EFR3B: variants seen among roughly 807,000 people sequenced by gnomAD.
The protein encoded by EFR3B is EFR3 homolog B, also known as protein EFR3 homolog B.
A neutral mutation model predicts 104.7 loss-of-function variants in EFR3B; 64 were observed. The observed-to-expected ratio is 0.61, with a 90% CI of 0.50 to 0.75. EFR3B has a LOEUF of 0.75. EFR3B is among the 30% of genes least tolerant of loss of function. The probability of loss-of-function intolerance (pLI) is 0.00; values close to 1 mark genes in which losing one functional copy is unlikely to be tolerated. For missense variants in EFR3B, 750 were observed against 1,078.5 expected (o/e 0.70, Z 4.27); for synonymous variants, 385 against 417.9 (o/e 0.92, Z 0.96).
At position 25,130,432 on chromosome 2, in the gene EFR3B, C is replaced by A. The variant is rs748904370; in HGVS notation, c.771-120C>A. 40 of 956,136 alleles carry A rather than the reference C, an allele frequency of 4.2e-5. No homozygotes were observed. The highest frequency in any genetic ancestry group is 3.5e-4 in the South Asian group (24 of 68,782). 59.2% of individuals were successfully genotyped at this position (956,136 alleles called of 1,614,324 possible). On this transcript the variant is annotated intron_variant, in intron 7 of 22. Coordinates refer to ENST00000403714, the MANE Select transcript of EFR3B (RefSeq NM_014971.2). The surrounding 1 kb of genome is among the most constrained non-coding windows in gnomAD (Gnocchi z 4.6). ...CCCCAAGGCCCTTCAGGCTTCACTT[C>A]CTCACCCGGGAACTGTGCGAGGGGC... is the stretch of plus-strand genomic sequence containing the variant.
chr2:25,137,223 G>A lies in EFR3B; in HGVS notation c.1561-118G>A, dbSNP rs79811742. 0.02 allele frequency: 23,594 copies of A among 1,185,354 alleles called. 2,047 individuals carry two copies. In the East Asian group the frequency reaches 0.28, roughly 14 times the overall value. 73.4% of individuals were successfully genotyped at this position (1,185,354 alleles called of 1,614,324 possible). A position where few individuals can be genotyped will look rare whatever the true frequency, so the allele number is the denominator to read the frequency against. ...CGCTTTAAAGGCATCCCCTCCCCAA[G>A]GGAGGAGGGGGCACACAGCCATCCT... On this transcript the variant is annotated intron_variant, in intron 14 of 22. Transcript: ENST00000403714. The surrounding 1 kb of genome is among the most constrained non-coding windows in gnomAD (Gnocchi z 4.7).
intron 1 of EFR3B, among the ~76,000 whole-genome samples, chr2:25,083,648 C>G (rs74446458): frequency 3.3e-5 from 5 of 152,250 alleles, no homozygotes; most frequent in Admixed American, 6.5e-5. Context: ...GCTCTCAACT[C>G]GGAGAGGAGA....
chr2:25,054,187 T>C (rs960756458), intron 1 of EFR3B, among the ~76,000 whole-genome samples: 5 of 152,140 alleles, frequency 3.3e-5, no homozygotes, highest in African/African-American at 1.2e-4. Context: ...TTCCTCCCCC[T>C]GGAGAAGTGG....
At chr2:25,110,908 C>T (rs562375905) in intron 4 of EFR3B, among the ~76,000 whole-genome samples, 9 of 152,188 alleles carry the variant, frequency 5.9e-5, no homozygotes, top group Admixed American at 2.0e-4. Flanking sequence ...TTAGCAGCTT[C>T]GCAACCTCTC....
chr2:25,139,090 C>G lies in EFR3B; in HGVS notation c.1754C>G (p.Pro585Arg). The change falls in exon 16 of 23, where the codon CCT becomes CGT. Residue 585 changes from proline (P) to arginine (R), a missense_variant. Pro to Arg is a moderately radical substitution (Grantham distance 103). Coordinates refer to ENST00000403714, the MANE Select transcript of EFR3B (RefSeq NM_014971.2). ...DVAQVNEENLPVYNRCALYAL... is the reference protein window; with the variant it reads ...DVAQVNEENLRVYNRCALYAL... ...GCCCAAGTCAATGAGGAGAACTTGC[C>G]TGTCTACAACCGCTGTGCCCTCTAT... is the stretch of plus-strand genomic sequence containing the variant. 6.4e-6 allele frequency: 10 copies of G among 1,551,748 alleles called. No individual in the cohort carries two copies. Among genetic ancestry groups the G allele is most frequent in the Non-Finnish European group, 7.8e-6 (9 of 1,147,012 alleles).
At position 25,154,429 on chromosome 2, in the gene EFR3B, A is replaced by G; in HGVS notation, c.*89A>G. On this transcript the variant is annotated 3_prime_UTR_variant, in exon 23 of 23. Transcript: ENST00000403714. The surrounding 1 kb of genome is among the most constrained non-coding windows in gnomAD (Gnocchi z 4.1). ...CCGACCACATGGAGATCTGGCTGTG[A>G]TCTCTGAGAAAACATCACCTTAGAT... 1 of 1,219,068 alleles carries G rather than the reference A, an allele frequency of 8.2e-7. No individual in the cohort carries two copies. Among genetic ancestry groups the G allele is most frequent in the Non-Finnish European group, 1.2e-6 (1 of 860,266 alleles). The allele number at this position is 1,219,068 out of a possible 1,614,324, so 75.5% of individuals were successfully genotyped here.
chr2:25,118,146 A>AT (rs1294804957), intron 4 of EFR3B, among the ~76,000 whole-genome samples: 4 of 151,760 alleles, frequency 2.6e-5, no homozygotes, highest in Non-Finnish European at 5.9e-5. Flanking sequence ...TGCCTGGCAA[A>AT]TTTTTTGTAT....
intron 16 of EFR3B, among the ~76,000 whole-genome samples, chr2:25,139,482 C>T (rs1364390785): frequency 6.7e-6 from 1 of 148,750 alleles, no homozygotes; most frequent in Non-Finnish European, 1.5e-5. Flanking sequence ...CACGGGAGCA[C>T]ACCCGCACAC....
intron 1 of EFR3B, among the ~76,000 whole-genome samples, chr2:25,086,394 G>A (rs557092246): frequency 1.3e-5 from 2 of 152,296 alleles, no homozygotes; most frequent in South Asian, 4.1e-4. Context: ...ATGAATGAGG[G>A]TTCTTGCTGC....
At chr2:25,149,823 C>A in intron 20 of EFR3B, 81 bp downstream of exon 20, 1 of 1,269,706 alleles carries the variant, frequency 7.9e-7, no homozygotes, top group Non-Finnish European at 1.1e-6. Flanking sequence ...TGCAGCAGGA[C>A]ACACCACCCT....
intron 1 of EFR3B, among the ~76,000 whole-genome samples, chr2:25,071,973 C>G (rs980007860): frequency 6.6e-6 from 1 of 152,254 alleles, no homozygotes; most frequent in Non-Finnish European, 1.5e-5. Flanking sequence ...TCTTCAGACT[C>G]TGGCCCCAGT....
Position 25,042,321 on chromosome 2 carries a change from T to C in EFR3B, c.7+2T>C. ...GCGCGCGCCCCGCCGAGATGTACGG[T>C]AAGGAGGGCTCCGCGCCCGGGCCCG... is the stretch of plus-strand genomic sequence containing the variant. On this transcript the variant is annotated splice_donor_variant, in intron 1 of 22. Coordinates refer to ENST00000403714, the MANE Select transcript of EFR3B (RefSeq NM_014971.2). LOFTEE classifies it high-confidence loss of function. The surrounding 1 kb of genome is among the most constrained non-coding windows in gnomAD (Gnocchi z 5.4). 1 of 1,269,122 alleles carries C rather than the reference T, an allele frequency of 7.9e-7. No individual in the cohort carries two copies. Among genetic ancestry groups the C allele is most frequent in the Non-Finnish European group, 9.9e-7 (1 of 1,006,792 alleles). The allele number at this position is 1,269,122 out of a possible 1,614,324, so 78.6% of individuals were successfully genotyped here. A position where few individuals can be genotyped will look rare whatever the true frequency, so the allele number is the denominator to read the frequency against.
chr2:25,136,492 G>C lies in EFR3B; in HGVS notation c.1485-31G>C. 2 of 1,537,082 alleles carry C rather than the reference G, an allele frequency of 1.3e-6. No individual in the cohort carries two copies. The highest frequency in any genetic ancestry group is 1.8e-6 in the Non-Finnish European group (2 of 1,134,130). On this transcript the variant is annotated intron_variant, in intron 13 of 22. Transcript: ENST00000403714. The surrounding 1 kb of genome is among the most constrained non-coding windows in gnomAD (Gnocchi z 4.0). ...TGAGCTCAGGCTGGCCTCATGCAAG[G>C]GCTAAGGAGGCCCTTTGCATCCCTT...
intron 5 of EFR3B, among the ~76,000 whole-genome samples, chr2:25,125,865 G>A (rs968648249): frequency 3.9e-5 from 6 of 152,130 alleles, no homozygotes; most frequent in Admixed American, 6.5e-5. Context: ...GGAGAATGGC[G>A]TGAACCCGGG....
chr2:25,050,344 A>T (rs1201208445), intron 1 of EFR3B, among the ~76,000 whole-genome samples: 1 of 152,140 alleles, frequency 6.6e-6, no homozygotes, highest in Non-Finnish European at 1.5e-5. Context: ...TTGCAGCCAC[A>T]GGTGTGGCTT....
intron 1 of EFR3B, among the ~76,000 whole-genome samples, chr2:25,046,730 C>T (rs1162277273): frequency 1.3e-5 from 2 of 151,762 alleles, no homozygotes; most frequent in Admixed American, 6.6e-5. Context: ...GTCTCGATCT[C>T]CTGACCTCGT....
At chr2:25,141,758 C>T (rs1330078173) in intron 17 of EFR3B, among the ~76,000 whole-genome samples, 2 of 152,156 alleles carry the variant, frequency 1.3e-5, no homozygotes, top group South Asian at 2.1e-4. Context: ...GTAATGTTTT[C>T]GGATCATAGT....
intron 3 of EFR3B, among the ~76,000 whole-genome samples, chr2:25,094,816 G>T (rs1414773261): frequency 6.6e-6 from 1 of 151,730 alleles, no homozygotes; most frequent in East Asian, 1.9e-4. Context: ...TTAAGACAAG[G>T]TCTTGCTGTG....
intron 4 of EFR3B, among the ~76,000 whole-genome samples, chr2:25,115,153 C>G (rs767528600): frequency 6.6e-6 from 1 of 152,118 alleles, no homozygotes; most frequent in Non-Finnish European, 1.5e-5. Context: ...TGCACTCCAG[C>G]CTGGGCGACA....
Sources: allele counts gnomAD v4.1 joint callset (sites outside exome capture counted in the v4.1 genomes callset), GRCh38; gene constraint gnomAD v4.1.1; non-coding constraint Gnocchi (gnomAD v3.1); transcripts MANE v1.5; gene names NCBI Gene and HGNC (gene_info 2026-07-23, HGNC 2026-07-21).